The following PTPRD variants were observed in gnomAD, a reference collection of about 807,000 sequenced individuals.
PTPRD encodes the protein receptor-type tyrosine-protein phosphatase delta.
PTPRD carries 34 observed loss-of-function variants against 214.5 expected under a neutral mutation model. The ratio of observed to expected loss-of-function variants is 0.16; its 90% CI spans 0.12 to 0.21. The LOEUF (loss-of-function observed/expected upper bound fraction) is 0.21, where lower values mean the gene tolerates loss of function less well. Ranked by LOEUF, PTPRD falls within the 10% of genes least tolerant of loss-of-function variation. The pLI is 1.00. For synonymous variants in PTPRD, 1,128 were observed against 845.7 expected, an observed-to-expected ratio of 1.33 and a Z score of -5.79; for missense variants, 2,545 against 2,398.7, an observed-to-expected ratio of 1.06 and a Z score of -1.27.
chr9:8,869,685 C>T (rs1292279935), intron 11 of PTPRD, among the ~76,000 whole-genome samples: 1 of 151,104 alleles, frequency 6.6e-6, no homozygotes, highest in African/African-American at 2.4e-5. Context: ...AAGCTAGCGG[C>T]CTTTTTCCAG....
At chr9:9,613,593 T>G (rs951155498) in intron 7 of PTPRD, among the ~76,000 whole-genome samples, 1 of 152,202 alleles carries the variant, frequency 6.6e-6, no homozygotes, top group African/African-American at 2.4e-5. Context: ...GTTTTTCTAT[T>G]AAGTTGAACA....
chr9:10,363,023 A>G (rs1037528733), intron 2 of PTPRD, among the ~76,000 whole-genome samples: 1 of 152,234 alleles, frequency 6.6e-6, no homozygotes, highest in Non-Finnish European at 1.5e-5. Context: ...GTAAGTTTAT[A>G]TCAGAAATTC....
intron 8 of PTPRD, among the ~76,000 whole-genome samples, chr9:9,480,166 T>C (rs1266025079): frequency 6.6e-6 from 1 of 152,154 alleles, no homozygotes; most frequent in Non-Finnish European, 1.5e-5. Flanking sequence ...ATTAAATCCA[T>C]CAGTCCAAGG....
intron 2 of PTPRD, among the ~76,000 whole-genome samples, chr9:10,482,840 T>C (rs548252309): frequency 1.3e-5 from 2 of 152,292 alleles, no homozygotes; most frequent in East Asian, 1.9e-4. Context: ...AGAATCAATA[T>C]TGTGGAAATG....
At chr9:9,485,845 G>A (rs556717685) in intron 8 of PTPRD, among the ~76,000 whole-genome samples, 58 of 152,114 alleles carry the variant, frequency 3.8e-4, no homozygotes, top group African/African-American at 1.3e-3. Flanking sequence ...GTCTATGTCT[G>A]CCCAAATCTC....
At chr9:10,467,876 T>G (rs1341979790) in intron 2 of PTPRD, among the ~76,000 whole-genome samples, 2 of 152,172 alleles carry the variant, frequency 1.3e-5, no homozygotes, top group Non-Finnish European at 2.9e-5. Context: ...GGCATTTATT[T>G]GGCCAGCTAA....
intron 11 of PTPRD, among the ~76,000 whole-genome samples, chr9:8,916,255 G>A (rs1001930141): frequency 2.6e-5 from 4 of 152,116 alleles, no homozygotes; most frequent in African/African-American, 9.7e-5. Context: ...AGGGAAGGAA[G>A]AAGGGGGTTA....
chr9:8,592,680 G>C (rs1397472557), intron 14 of PTPRD, among the ~76,000 whole-genome samples: 1 of 152,178 alleles, frequency 6.6e-6, no homozygotes, highest in Non-Finnish European at 1.5e-5. Flanking sequence ...TGGTTACTGA[G>C]TGGCAGATAT....
chr9:8,718,625 T>C (rs957851908), intron 12 of PTPRD, among the ~76,000 whole-genome samples: 3 of 152,290 alleles, frequency 2.0e-5, no homozygotes, highest in Non-Finnish European at 4.4e-5. Context: ...GCCAAGAGTT[T>C]TGTTTAATCT....
At chr9:9,782,110 C>A (rs557907475) in intron 5 of PTPRD, among the ~76,000 whole-genome samples, 14 of 152,062 alleles carry the variant, frequency 9.2e-5, no homozygotes, top group Admixed American at 5.2e-4. Flanking sequence ...AATTTTGATA[C>A]CTTTCTCCAG....
chr9:9,849,677 T>G (rs939674839), intron 5 of PTPRD, among the ~76,000 whole-genome samples: 2 of 152,120 alleles, frequency 1.3e-5, no homozygotes, highest in Non-Finnish European at 2.9e-5. Flanking sequence ...AATATCTTAG[T>G]TCATGATCTT....
At chr9:8,621,195 G>A (rs2095809976) in intron 14 of PTPRD, among the ~76,000 whole-genome samples, 1 of 151,758 alleles carries the variant, frequency 6.6e-6, no homozygotes, top group African/African-American at 2.4e-5. Flanking sequence ...CCACCATTCT[G>A]AGAGAGATTT....
chr9:9,061,774 C>G (rs903989405), intron 10 of PTPRD, among the ~76,000 whole-genome samples: 1 of 152,184 alleles, frequency 6.6e-6, no homozygotes, highest in African/African-American at 2.4e-5. Flanking sequence ...GTGGCACTAG[C>G]AGGTTTGCCT....
intron 22 of PTPRD, among the ~76,000 whole-genome samples, chr9:8,504,821 T>G (rs2097506347): frequency 1.3e-5 from 2 of 152,196 alleles, no homozygotes; most frequent in South Asian, 4.1e-4. Context: ...TGAACAGATG[T>G]CTACTCATCT....
At chr9:8,716,857 G>C (rs929394571) in intron 12 of PTPRD, among the ~76,000 whole-genome samples, 1 of 152,168 alleles carries the variant, frequency 6.6e-6, no homozygotes, top group Non-Finnish European at 1.5e-5. Flanking sequence ...GGGGTTGGGG[G>C]TGAGGCAGAA....
intron 3 of PTPRD, among the ~76,000 whole-genome samples, chr9:10,132,370 A>G (rs776997269): frequency 2.0e-5 from 3 of 152,172 alleles, no homozygotes; most frequent in Non-Finnish European, 2.9e-5. Context: ...CTTCAACTAT[A>G]TATTACTTGA....
intron 12 of PTPRD, among the ~76,000 whole-genome samples, chr9:8,699,767 C>G (rs1448557059): frequency 7.8e-6 from 1 of 128,198 alleles, no homozygotes; most frequent in African/African-American, 3.2e-5. Flanking sequence ...GTGCAACGCC[C>G]AAAAGAAAAA....
At chr9:8,936,826 T>C (rs77232379) in intron 11 of PTPRD, among the ~76,000 whole-genome samples, 237 of 152,320 alleles carry the variant, frequency 1.6e-3, no homozygotes, top group African/African-American at 5.5e-3. Flanking sequence ...GAACATGGGA[T>C]AATTCAAAAT....
intron 4 of PTPRD, among the ~76,000 whole-genome samples, chr9:9,957,371 C>T (rs1442989026): frequency 6.6e-6 from 1 of 152,008 alleles, no homozygotes; most frequent in African/African-American, 2.4e-5. Flanking sequence ...AGGACTTGTA[C>T]ACATGCAGAC....
Sources: gnomAD v4.1 joint callset for allele counts (sites outside exome capture counted in the v4.1 genomes callset) on GRCh38, gnomAD v4.1.1 for gene constraint, MANE v1.5 for transcripts, NCBI Gene and HGNC (gene_info 2026-07-23, HGNC 2026-07-21) for gene names.